ZNF322: variants seen among roughly 807,000 people sequenced by gnomAD.
ZNF322 encodes HLA complex group 12.
A neutral mutation model predicts 18.3 loss-of-function variants in ZNF322; 1 was observed. The observed-to-expected ratio is 0.05, with a 90% CI of 0.02 to 0.26. ZNF322 has a LOEUF of 0.26. ZNF322 is among the 10% of genes least tolerant of loss of function. The pLI is 1.00. For missense variants in ZNF322, 36 were observed against 403.6 expected (o/e 0.09, Z 7.80); for synonymous variants, 17 against 130.7 (o/e 0.13, Z 5.93).
At position 26,645,592 on chromosome 6, in the gene ZNF322, G is replaced by T. The variant is rs960024291; in HGVS notation, c.-245-1864C>A. On this transcript the variant is annotated intron_variant, in intron 2 of 3. Coordinates refer to ENST00000415922, the MANE Select transcript of ZNF322 (RefSeq NM_024639.5). Reference sequence around the variant, plus strand: ...ACTATATTGTATTTATGGCAGGTGAGAATTAAAGTACACTATTAAACTAAA... The same window carrying T: ...ACTATATTGTATTTATGGCAGGTGATAATTAAAGTACACTATTAAACTAAA... 2.6e-5 allele frequency among the ~76,000 whole-genome samples: 4 copies of T among 152,134 alleles called. No individual in the cohort carries two copies. In the East Asian group the frequency reaches 7.7e-4, roughly 29 times the overall value.
intron 1 of ZNF322, chr6:26,658,953 T>C (rs1490432066): frequency 6.6e-6 from 1 of 152,266 alleles, no homozygotes; most frequent in Non-Finnish European, 1.5e-5. Flanking sequence ...CTAATTGTTT[T>C]TGTTTGTATT....
chr6:26,654,843 T>C (rs1268617965), intron 2 of ZNF322, among the ~76,000 whole-genome samples: 1 of 152,068 alleles, frequency 6.6e-6, no homozygotes, highest in Non-Finnish European at 1.5e-5. Flanking sequence ...TATTTAATAA[T>C]TATAAATATA....
chr6:26,643,218 ATG>A lies in ZNF322; in HGVS notation c.-176+439_-176+440del, dbSNP rs1311880318. ...CAGCTTTCTTCCTCCAGATGTGTGTATGAATTTCTCTTAATTCCTTCAAAGAC... is the reference window on the plus strand; with the variant it reads ...CAGCTTTCTTCCTCCAGATGTGTGTAAATTTCTCTTAATTCCTTCAAAGAC... On this transcript the variant is annotated intron_variant, in intron 3 of 3. Coordinates refer to ENST00000415922, the MANE Select transcript of ZNF322 (RefSeq NM_024639.5). 4.6e-5 allele frequency among the ~76,000 whole-genome samples: 7 copies of A among 152,266 alleles called. No homozygotes were observed. In the East Asian group the frequency reaches 1.4e-3, roughly 29 times the overall value.
chr6:26,658,819 C>G (rs1554149909), intron 1 of ZNF322, 173 bp from the exon 2 acceptor site: 1 of 152,294 alleles, frequency 6.6e-6, no homozygotes, highest in Non-Finnish European at 1.5e-5. Flanking sequence ...GCAGGAAGTA[C>G]CTGCCACTGG....
intron 2 of ZNF322, chr6:26,651,448 G>C (rs978089216): frequency 6.6e-6 from 1 of 152,042 alleles, no homozygotes; most frequent in Non-Finnish European, 1.5e-5. Flanking sequence ...TAGCAGGGTT[G>C]GGAAGAAATT....
intron 2 of ZNF322, among the ~76,000 whole-genome samples, chr6:26,649,682 TATATATATATATATA>T (rs1431056258): frequency 0.015 from 382 of 25,286 alleles, 11 homozygotes; most frequent in African/African-American, 0.053. Flanking sequence ...TGTGTATATA[TATATATATATATATA>T]TATATTTTTT....
At chr6:26,652,844 G>A (rs1267639261) in intron 2 of ZNF322, among the ~76,000 whole-genome samples, 2 of 152,134 alleles carry the variant, frequency 1.3e-5, no homozygotes, top group Non-Finnish European at 2.9e-5. Flanking sequence ...TTAACAGCGG[G>A]GGATGCTGTG....
rs1166202307 is a variant in ZNF322, at chr6:26,659,656, CACAGAGCGCTTTA to C, written c.-563_-551del. 1 of 165,364 alleles carries C rather than the reference CACAGAGCGCTTTA, an allele frequency of 6.0e-6. No homozygotes were observed. The allele number at this position is 165,364 out of a possible 1,614,324, so 10.2% of individuals were successfully genotyped here. ...CTAGAGGAGTTGGGGCCAGGCCGCC[CACAGAGCGCTTTA>C]ACAGAGCGCTTCAAGGGCCCACAAG... On this transcript the variant is annotated 5_prime_UTR_variant, in exon 1 of 4. Coordinates refer to ENST00000415922, the MANE Select transcript of ZNF322 (RefSeq NM_024639.5).
At chr6:26,650,263 T>A (rs1164870502) in intron 2 of ZNF322, 3 of 152,010 alleles carry the variant, frequency 2.0e-5, no homozygotes, top group Non-Finnish European at 4.4e-5. Flanking sequence ...TTAAAATAAG[T>A]GATATTACTA....
chr6:26,641,257 C>G (rs1765461001), intron 3 of ZNF322, among the ~76,000 whole-genome samples: 1 of 152,158 alleles, frequency 6.6e-6, no homozygotes, highest in East Asian at 1.9e-4. Context: ...CAGAACTGTT[C>G]TAAAACTTAA....
intron 3 of ZNF322, among the ~76,000 whole-genome samples, chr6:26,640,528 C>G (rs1359499277): frequency 6.6e-6 from 1 of 152,186 alleles, no homozygotes; most frequent in Non-Finnish European, 1.5e-5. Context: ...CTTTGCTCAA[C>G]AGGCATATTC....
Position 26,659,720 on chromosome 6 carries a change from T to G in ZNF322, c.-614A>C, listed in dbSNP as rs1407118515. ...GCCGGCTACGCAAACCCTTTCAAGC[T>G]GGCTGGGAAGAGGCCGGCGCAGCCC... is the stretch of plus-strand genomic sequence containing the variant. On this transcript the variant is annotated 5_prime_UTR_variant, in exon 1 of 4. Coordinates refer to ENST00000415922, the MANE Select transcript of ZNF322 (RefSeq NM_024639.5). 6.5e-6 allele frequency: 1 copy of G among 154,566 alleles called. No individual in the cohort carries two copies. Among genetic ancestry groups the G allele is most frequent in the Non-Finnish European group, 1.5e-5 (1 of 68,538 alleles). The allele number at this position is 154,566 out of a possible 1,614,324, so 9.6% of individuals were successfully genotyped here.
chr6:26,659,173 C>G (rs1298038221), intron 1 of ZNF322, among the ~76,000 whole-genome samples: 1 of 152,242 alleles, frequency 6.6e-6, no homozygotes, highest in Non-Finnish European at 1.5e-5. Context: ...AAAATCCATT[C>G]AAGGTCCTTT....
intron 2 of ZNF322, chr6:26,651,339 G>A (rs1300719035): frequency 2.0e-5 from 3 of 151,272 alleles, no homozygotes; most frequent in Non-Finnish European, 4.4e-5. Flanking sequence ...GACAGACACA[G>A]AATGATGAAT....
chr6:26,650,105 A>C (rs1765642043), intron 2 of ZNF322, among the ~76,000 whole-genome samples: 1 of 152,172 alleles, frequency 6.6e-6, no homozygotes, highest in African/African-American at 2.4e-5. Flanking sequence ...CAATATACCT[A>C]ATATATAAAG....
intron 3 of ZNF322, among the ~76,000 whole-genome samples, chr6:26,640,587 C>T (rs1242878401): frequency 6.6e-6 from 1 of 152,164 alleles, no homozygotes; most frequent in African/African-American, 2.4e-5. Context: ...ACCACATCTC[C>T]GTCCCAGCTG....
rs1379212867 is a variant in ZNF322, at chr6:26,649,685, A to G, written c.-245-5957T>C. Among the ~76,000 whole-genome samples the G allele has an allele frequency of 9.3e-3, 666 of 71,430 alleles. 14 individuals are homozygous for G. The highest frequency in any genetic ancestry group is 0.017 in the Middle Eastern group (3 of 180). 46.9% of individuals were successfully genotyped at this position (71,430 alleles called of 152,430 possible). A position where few individuals can be genotyped will look rare whatever the true frequency, so the allele number is the denominator to read the frequency against. On this transcript the variant is annotated intron_variant, in intron 2 of 3. Transcript: ENST00000415922. The stretch of plus-strand genomic sequence containing the variant: ...TGTGTGTGTGTGTGTGTATATATAT[A>G]TATATATATATATATATTTTTTTTT...
At chr6:26,646,185 A>G (rs1554148746) in intron 2 of ZNF322, among the ~76,000 whole-genome samples, 1 of 152,164 alleles carries the variant, frequency 6.6e-6, no homozygotes, top group East Asian at 1.9e-4. Flanking sequence ...ATACAGTTAT[A>G]ACAATATGAC....
chr6:26,655,470 G>A (rs1765752235), intron 2 of ZNF322, among the ~76,000 whole-genome samples: 1 of 152,192 alleles, frequency 6.6e-6, no homozygotes, highest in South Asian at 2.1e-4. Context: ...AGTTCTCCTA[G>A]GGATGGCATG....
Sources: gnomAD v4.1 joint callset for allele counts (sites outside exome capture counted in the v4.1 genomes callset) on GRCh38, gnomAD v4.1.1 for gene constraint, MANE v1.5 for transcripts, NCBI Gene and HGNC (gene_info 2026-07-23, HGNC 2026-07-21) for gene names.